Variants in ALG9 observed in about 807,000 individuals in gnomAD.
ALG9 encodes alpha-1,2-mannosyltransferase ALG9.
In ALG9, 55 loss-of-function variants were observed where a neutral mutation model predicts 81.8. The observed-to-expected ratio is 0.67, with a 90% CI of 0.54 to 0.84. ALG9 has a LOEUF of 0.84. ALG9 is among the 40% of genes least tolerant of loss of function. ALG9 has a pLI of 0.00. For synonymous variants in ALG9, 278 were observed against 274.3 expected (o/e 1.01, Z -0.13); for missense variants, 629 against 745.0 (o/e 0.84, Z 1.81).
intron 12 of ALG9, chr11:111,836,635 G>A (rs1041383648): frequency 1.8e-5 from 6 of 337,814 alleles, no homozygotes; most frequent in Admixed American, 4.4e-5. Context: ...ATTATCAGGT[G>A]TAGAGAAAAA....
rs1404485128 is a variant in ALG9 at position 111,786,046 on chromosome 11, T to C, written c.*351A>G. The stretch of plus-strand genomic sequence containing the variant: ...AGAACAGCTTATCACAGCCATCCAG[T>C]ACCAGGATTTTCAATTCTTCCTGTA... On this transcript the variant is annotated 3_prime_UTR_variant, in exon 15 of 15. Transcript: ENST00000616540. The C allele has an allele frequency of 2.2e-6, 1 of 458,768 alleles. No homozygotes were observed. Among genetic ancestry groups the C allele is most frequent in the Admixed American group, 2.3e-5 (1 of 42,612 alleles). The allele number at this position is 458,768 out of a possible 1,614,324, so 28.4% of individuals were successfully genotyped here. A position where few individuals can be genotyped will look rare whatever the true frequency, so the allele number is the denominator to read the frequency against.
intron 5 of ALG9, among the ~76,000 whole-genome samples, chr11:111,859,730 C>G (rs576473082): frequency 1.3e-5 from 2 of 152,126 alleles, no homozygotes; most frequent in East Asian, 1.9e-4. Context: ...GCCCTGACAT[C>G]TCTGCAGAAC....
intron 13 of ALG9, among the ~76,000 whole-genome samples, chr11:111,817,840 G>C (rs1427158429): frequency 6.7e-6 from 1 of 150,098 alleles, no homozygotes; most frequent in African/African-American, 2.5e-5. Flanking sequence ...GCAGTGGTGC[G>C]GTCTCGGCTC....
intron 13 of ALG9, among the ~76,000 whole-genome samples, chr11:111,821,075 A>G (rs1253927984): frequency 2.0e-5 from 3 of 152,184 alleles, no homozygotes; most frequent in Non-Finnish European, 4.4e-5. Flanking sequence ...CAGCCTGGGC[A>G]AGAGTGCGAG....
At chr11:111,867,417 G>A (rs1187292468) in intron 3 of ALG9, among the ~76,000 whole-genome samples, 1 of 151,988 alleles carries the variant, frequency 6.6e-6, no homozygotes, top group East Asian at 1.9e-4. Context: ...ATTTAAAGCG[G>A]GCTTTGTAAA....
chr11:111,803,548 A>G (rs1949467879), intron 14 of ALG9, among the ~76,000 whole-genome samples: 1 of 152,000 alleles, frequency 6.6e-6, no homozygotes, highest in South Asian at 2.1e-4. Context: ...GACACTACCA[A>G]ACTGCAAGAC....
chr11:111,843,886 C>G (rs896017924), intron 9 of ALG9, among the ~76,000 whole-genome samples: 52 of 152,206 alleles, frequency 3.4e-4, no homozygotes, highest in Non-Finnish European at 1.0e-4. Context: ...GGGGAAATCC[C>G]TGTATGGTTC....
chr11:111,780,000 C>G (rs1281662837), downstream of ALG9, among the ~76,000 whole-genome samples: 1 of 152,154 alleles, frequency 6.6e-6, no homozygotes, highest in Non-Finnish European at 1.5e-5. Flanking sequence ...CTGAAGAGAG[C>G]CAAAACAGCT....
At chr11:111,871,279 G>T in intron 1 of ALG9, 73 bp downstream of exon 1, 1 of 1,362,276 alleles carries the variant, frequency 7.3e-7, no homozygotes, top group Non-Finnish European at 9.4e-7. Context: ...GCGCGCCACA[G>T]CTAAGACCCT....
At chr11:111,796,612 G>A (rs1948325045) in intron 14 of ALG9, among the ~76,000 whole-genome samples, 1 of 152,196 alleles carries the variant, frequency 6.6e-6, no homozygotes, top group South Asian at 2.1e-4. Context: ...AGCCAAATCT[G>A]GCCTGGGGTA....
chr11:111,862,503 G>A (rs1315066671), intron 4 of ALG9, among the ~76,000 whole-genome samples: 5 of 151,108 alleles, frequency 3.3e-5, no homozygotes, highest in African/African-American at 1.2e-4. Flanking sequence ...CTAAGTGCTG[G>A]GATTACAGGC....
At position 111,853,429 on chromosome 11, in the gene ALG9, G is replaced by A; in HGVS notation, c.846C>T (p.Leu282=). ...TAAAGACATTATACAAAACAATGTT[G>A]AGTGGTGCAATCACCAACTTCCCAT... ...YYYGKLVIAP[L]NIVLYNVFTP... The change falls in exon 8 of 15, where the codon CTC becomes CTT. Residue 282 remains leucine, a synonymous_variant. Coordinates refer to ENST00000616540, the MANE Select transcript of ALG9 (RefSeq NM_024740.2). 1 of 1,614,022 alleles carries A rather than the reference G, an allele frequency of 6.2e-7. No homozygotes were observed. The highest frequency in any genetic ancestry group is 8.5e-7 in the Non-Finnish European group (1 of 1,179,952).
chr11:111,854,222 G>A (rs994543775), intron 6 of ALG9, among the ~76,000 whole-genome samples: 16 of 142,436 alleles, frequency 1.1e-4, no homozygotes, highest in African/African-American at 3.2e-4. Flanking sequence ...TCAGGCTCCC[G>A]AGTAGCTGGG....
At chr11:111,788,571 T>C (rs1187014274) in intron 14 of ALG9, 1 of 402,220 alleles carries the variant, frequency 2.5e-6, no homozygotes, top group Non-Finnish European at 4.8e-6. Flanking sequence ...AATTGAGACC[T>C]GTGTTTACAA....
intron 5 of ALG9, among the ~76,000 whole-genome samples, chr11:111,859,718 C>T (rs781917855): frequency 6.6e-5 from 10 of 152,014 alleles, no homozygotes; most frequent in Non-Finnish European, 1.3e-4. Context: ...CTCTGGAGTA[C>T]AGCCCTGACA....
In ALG9 at chr11:111,871,540, T is replaced by G. The variant is rs782440068; in HGVS notation, c.-58A>C. 1.3e-4 allele frequency: 193 copies of G among 1,533,960 alleles called. No homozygotes were observed. Among genetic ancestry groups the G allele is most frequent in the Non-Finnish European group, 1.7e-4 (191 of 1,145,758 alleles). On this transcript the variant is annotated 5_prime_UTR_variant, in exon 1 of 15. It removes an upstream start codon present in the reference 5' UTR. Coordinates refer to ENST00000616540, the MANE Select transcript of ALG9 (RefSeq NM_024740.2). ...TATGAAGTCGGTGAGCGCGCAGACA[T>G]AGCTTTGGCTGGCAAACGGTGTCCG...
chr11:111,811,753 C>T (rs2136446127), intron 13 of ALG9, among the ~76,000 whole-genome samples: 1 of 152,094 alleles, frequency 6.6e-6, no homozygotes, highest in Non-Finnish European at 1.5e-5. Context: ...CACCAAAGGC[C>T]ACATATATAC....
intron 10 of ALG9, among the ~76,000 whole-genome samples, chr11:111,839,672 C>T (rs1955916651): frequency 6.7e-6 from 1 of 149,884 alleles, no homozygotes; most frequent in Non-Finnish European, 1.5e-5. Flanking sequence ...ATATGATATA[C>T]AAAAATGCTG....
intron 14 of ALG9, among the ~76,000 whole-genome samples, chr11:111,798,823 T>C (rs1355366139): frequency 6.6e-6 from 1 of 152,314 alleles, no homozygotes; most frequent in African/African-American, 2.4e-5. Context: ...TAAGATCTTA[T>C]GCCTGGATCT....
Sources: allele counts gnomAD v4.1 joint callset (sites outside exome capture counted in the v4.1 genomes callset), GRCh38; gene constraint gnomAD v4.1.1; transcripts MANE v1.5; gene names NCBI Gene and HGNC (gene_info 2026-07-23, HGNC 2026-07-21).